Variants in HFM1 observed in about 807,000 individuals in gnomAD.
The protein encoded by HFM1 is helicase for meiosis 1.
In HFM1, 169 loss-of-function variants were observed where a neutral mutation model predicts 192.1. The observed-to-expected ratio is 0.88, with a 90% confidence interval of 0.78 to 1.00. The LOEUF is 1.00. Ranked by LOEUF, HFM1 falls within the 50% of genes least tolerant of loss-of-function variation. The pLI is 0.00. For missense variants in HFM1, 1,661 were observed against 1,668.0 expected, an observed-to-expected ratio of 1.00 and a Z score of 0.07; for synonymous variants, 525 against 537.8, an observed-to-expected ratio of 0.98 and a Z score of 0.33.
At position 91,394,389 on chromosome 1, in the gene HFM1, C is replaced by A; in HGVS notation, c.198G>T (p.Arg66Ser). Reference protein sequence around the residue: ...ESHKLLGQEKRPKMLTSNLKI... With the variant: ...ESHKLLGQEKSPKMLTSNLKI... ...TTAAATTTGATGTTAACATTTTTGG[C>A]CTCTTTTCCTGACCTACAAAAAAGG... Residue 66 changes from arginine to serine, a missense_variant, in exon 4 of 39, where the codon AGG becomes AGT. Coordinates refer to ENST00000370425, the MANE Select transcript of HFM1 (RefSeq NM_001017975.6). 1 of 1,516,724 alleles carries A rather than the reference C, an allele frequency of 6.6e-7. No homozygotes were observed. The highest frequency in any genetic ancestry group is 9.1e-7 in the Non-Finnish European group (1 of 1,103,698). The allele number at this position is 1,516,724 out of a possible 1,614,324, so 94.0% of individuals were successfully genotyped here. A position where few individuals can be genotyped will look rare whatever the true frequency, so the allele number is the denominator to read the frequency against.
At position 91,261,338 on chromosome 1, in the gene HFM1, T is replaced by G. The variant is rs763642049; in HGVS notation, c.4260A>C (p.Glu1420Asp). Reference sequence around the variant, plus strand: ...CCAATAAAGACTTCATTTCATCAGCTTCATCATCAGGATGATACATACTGG... The same window carrying G: ...CCAATAAAGACTTCATTTCATCAGCGTCATCATCAGGATGATACATACTGG... ...VDFSMYHPDD[E>D]ADEMKSLLGI... Residue 1420 changes from glutamate to aspartate, a missense_variant, in exon 39 of 39, where the codon GAA becomes GAC. By Grantham distance (45) the Glu-to-Asp change is conservative (BLOSUM62 2). Transcript: ENST00000370425. The G allele has an allele frequency of 5.8e-5, 83 of 1,426,466 alleles. No individual in the cohort carries two copies. The highest frequency in any genetic ancestry group is 7.4e-5 in the Non-Finnish European group (80 of 1,078,820). 88.4% of individuals were successfully genotyped at this position (1,426,466 alleles called of 1,614,324 possible).
intron 19 of HFM1, 42 bp from the exon 20 acceptor site, chr1:91,343,552 G>T: frequency 1.3e-6 from 1 of 743,850 alleles, no homozygotes; most frequent in African/African-American, 1.8e-5. Flanking sequence ...TAGTAAAATA[G>T]GGAAGTAGGG....
chr1:91,297,670 C>G (rs1372507738), intron 30 of HFM1, among the ~76,000 whole-genome samples: 1 of 152,034 alleles, frequency 6.6e-6, no homozygotes. Context: ...TGCTGATACC[C>G]AGGAAAACAG....
In HFM1 at chr1:91,378,457, C is replaced by T; in HGVS notation, c.1182G>A (p.Arg394=). ...TTPEKWDSMT[R]KWRDNSLVQL... ...GAACCAAAGAGTTGTCTCTCCATTT[C>T]CTAGTCATGCTATCCCATTTTTCCT... The change falls in exon 10 of 39, where the codon AGG becomes AGA. Residue 394 remains arginine, a synonymous_variant. Transcript: ENST00000370425. 1 of 1,602,904 alleles carries T rather than the reference C, an allele frequency of 6.2e-7. No individual in the cohort carries two copies. Among genetic ancestry groups the T allele is most frequent in the South Asian group, 1.1e-5 (1 of 89,668 alleles).
chr1:91,398,155 T>A (rs1557535218), intron 2 of HFM1, among the ~76,000 whole-genome samples: 1 of 152,178 alleles, frequency 6.6e-6, no homozygotes, highest in South Asian at 2.1e-4. Context: ...AGGTCTGCTA[T>A]ATTAACTCTT....
chr1:91,276,270 T>G (rs908060036), intron 32 of HFM1, among the ~76,000 whole-genome samples: 3 of 152,180 alleles, frequency 2.0e-5, no homozygotes, highest in African/African-American at 4.8e-5. Flanking sequence ...TTAACTGTGT[T>G]GTACTTCTGT....
At chr1:91,329,729 TA>T (rs1387700394) in intron 20 of HFM1, among the ~76,000 whole-genome samples, 1 of 152,038 alleles carries the variant, frequency 6.6e-6, no homozygotes, top group South Asian at 2.1e-4. Flanking sequence ...CTCAGGAAAA[TA>T]TGTCAGGCTC....
intron 30 of HFM1, among the ~76,000 whole-genome samples, chr1:91,309,800 A>T (rs1650169226): frequency 1.3e-5 from 2 of 151,170 alleles, no homozygotes; most frequent in Non-Finnish European, 2.9e-5. Flanking sequence ...TGAATTCATG[A>T]TGTCTTTTAA....
At chr1:91,344,571 T>C (rs547913127) in intron 19 of HFM1, among the ~76,000 whole-genome samples, 7 of 152,170 alleles carry the variant, frequency 4.6e-5, no homozygotes, top group Non-Finnish European at 1.0e-4. Context: ...GAACTTATAT[T>C]TTACAGAAGA....
intron 20 of HFM1, chr1:91,329,366 G>A: frequency 6.3e-7 from 1 of 1,597,128 alleles, no homozygotes; most frequent in East Asian, 2.3e-5. Flanking sequence ...GGCTGAGTAA[G>A]AGTCATTAAG....
chr1:91,297,463 C>G (rs1212604845), intron 30 of HFM1, among the ~76,000 whole-genome samples: 1 of 152,224 alleles, frequency 6.6e-6, no homozygotes, highest in African/African-American at 2.4e-5. Flanking sequence ...CAGCATGCAG[C>G]TGGAGATCTG....
At chr1:91,377,875 T>C in intron 11 of HFM1, 150 bp downstream of exon 11, 1 of 720,668 alleles carries the variant, frequency 1.4e-6, no homozygotes, top group Non-Finnish European at 2.4e-6. Flanking sequence ...CTTAATACTG[T>C]TATATTTATG....
At chr1:91,358,016 T>C (rs1392711718) in intron 13 of HFM1, among the ~76,000 whole-genome samples, 1 of 152,190 alleles carries the variant, frequency 6.6e-6, no homozygotes, top group Non-Finnish European at 1.5e-5. Flanking sequence ...ATGTCCATAC[T>C]ACCCAAAGAA....
chr1:91,406,375 A>C (rs1664813238), upstream of HFM1, among the ~76,000 whole-genome samples: 1 of 152,258 alleles, frequency 6.6e-6, no homozygotes, highest in South Asian at 2.1e-4. Flanking sequence ...CAAAGCACAC[A>C]GTAGCAAATG....
At chr1:91,390,469 G>A (rs1390744377) in intron 4 of HFM1, among the ~76,000 whole-genome samples, 2 of 150,154 alleles carry the variant, frequency 1.3e-5, no homozygotes, top group African/African-American at 4.9e-5. Flanking sequence ...AAGGAAGGAA[G>A]GAAGGAAGGA....
chr1:91,348,104 G>A (rs1412892235), intron 18 of HFM1, among the ~76,000 whole-genome samples: 1 of 151,950 alleles, frequency 6.6e-6, no homozygotes, highest in African/African-American at 2.4e-5. Flanking sequence ...TCTTAATCTG[G>A]GCTGTGGTTA....
chr1:91,287,346 C>T (rs1339686405), intron 30 of HFM1, among the ~76,000 whole-genome samples: 1 of 152,138 alleles, frequency 6.6e-6, no homozygotes, highest in Non-Finnish European at 1.5e-5. Context: ...CAAGTGAGTC[C>T]CTGACCCCTG....
At chr1:91,397,496 T>C (rs1663805036) in intron 2 of HFM1, among the ~76,000 whole-genome samples, 1 of 152,242 alleles carries the variant, frequency 6.6e-6, no homozygotes, top group African/African-American at 2.4e-5. Flanking sequence ...TCTAGTCATT[T>C]AGGATGTTAC....
chr1:91,333,131 T>C (rs1654069935), intron 20 of HFM1, among the ~76,000 whole-genome samples: 1 of 152,030 alleles, frequency 6.6e-6, no homozygotes, highest in South Asian at 2.1e-4. Context: ...AATCAGTATA[T>C]CAAAGAGGTA....
Sources: allele counts gnomAD v4.1 joint callset (sites outside exome capture counted in the v4.1 genomes callset), GRCh38; gene constraint gnomAD v4.1.1; transcripts MANE v1.5; gene names NCBI Gene and HGNC (gene_info 2026-07-23, HGNC 2026-07-21).